The following CFAP20DC variants were observed in gnomAD, a reference collection of about 807,000 sequenced individuals.
The protein encoded by CFAP20DC is CFAP20 domain containing.
Under a neutral mutation model 101.7 loss-of-function variants are expected in CFAP20DC, and 84 were observed. The observed-to-expected ratio is 0.83, with a 90% CI of 0.69 to 0.99. The LOEUF (loss-of-function observed/expected upper bound fraction) is 0.99. Ranked by LOEUF, CFAP20DC falls within the 50% of genes least tolerant of loss-of-function variation. The pLI is 0.00. For missense variants in CFAP20DC, 1,007 were observed against 970.3 expected, an observed-to-expected ratio of 1.04 and a Z score of -0.50; for synonymous variants, 359 against 351.2, an observed-to-expected ratio of 1.02 and a Z score of -0.25.
At chr3:58,990,882 C>A (rs115362221) in intron 4 of CFAP20DC, among the ~76,000 whole-genome samples, 2 of 151,948 alleles carry the variant, frequency 1.3e-5, no homozygotes, top group Non-Finnish European at 2.9e-5. Flanking sequence ...CTGTGCTCTG[C>A]GCACTTATTT....
intron 15 of CFAP20DC, among the ~76,000 whole-genome samples, chr3:58,802,846 T>C (rs2073806862): frequency 6.6e-6 from 1 of 152,166 alleles, no homozygotes; most frequent in South Asian, 2.1e-4. Flanking sequence ...TTGTCTTTAA[T>C]TTTAATCCTG....
intron 13 of CFAP20DC, among the ~76,000 whole-genome samples, chr3:58,838,954 A>G (rs903903868): frequency 3.9e-5 from 6 of 152,204 alleles, no homozygotes; most frequent in African/African-American, 1.4e-4. Flanking sequence ...CATTCAATAA[A>G]TGGTAGTTTA....
chr3:58,916,633 G>T (rs1371439188), intron 5 of CFAP20DC, among the ~76,000 whole-genome samples: 1 of 152,040 alleles, frequency 6.6e-6, no homozygotes, highest in Non-Finnish European at 1.5e-5. Context: ...GAAATAAATG[G>T]CTGGGAATTG....
At chr3:58,774,584 C>T (rs2071150507) in intron 15 of CFAP20DC, among the ~76,000 whole-genome samples, 1 of 152,162 alleles carries the variant, frequency 6.6e-6, no homozygotes, top group Non-Finnish European at 1.5e-5. Context: ...TGTGAGACTT[C>T]TCAGTTTAGT....
chr3:58,809,493 T>C (rs973153885), intron 14 of CFAP20DC, among the ~76,000 whole-genome samples: 5 of 152,042 alleles, frequency 3.3e-5, no homozygotes, highest in Admixed American at 1.3e-4. Context: ...AAAGATGTTC[T>C]TTGAAACCAA....
At position 59,030,515 on chromosome 3, in the gene CFAP20DC, T is replaced by C. The variant is rs2093970653; in HGVS notation, c.278+9042A>G. On this transcript the variant is annotated intron_variant, in intron 4 of 16. Transcript: ENST00000482387. ...TTTAATAATTTTGATCTTTAATCCA[T>C]AAGATATCTATTTTGTTAAAACTAT... 5.3e-5 allele frequency among the ~76,000 whole-genome samples: 8 copies of C among 152,342 alleles called. No homozygotes were observed. The South Asian group carries it at 1.4e-3, about 28-fold the overall frequency.
chr3:58,761,237 T>C (rs2069557587), intron 15 of CFAP20DC, among the ~76,000 whole-genome samples: 1 of 152,198 alleles, frequency 6.6e-6, no homozygotes, highest in Non-Finnish European at 1.5e-5. Flanking sequence ...TATTCAGAGA[T>C]TCAACTTCTT....
intron 14 of CFAP20DC, among the ~76,000 whole-genome samples, chr3:58,809,602 A>G (rs1200398094): frequency 1.3e-5 from 2 of 152,180 alleles, no homozygotes; most frequent in Non-Finnish European, 2.9e-5. Context: ...AGAAAGCAGG[A>G]AAGATCCAAA....
At chr3:59,043,871 T>C (rs961917913) in intron 3 of CFAP20DC, among the ~76,000 whole-genome samples, 1 of 152,150 alleles carries the variant, frequency 6.6e-6, no homozygotes, top group Admixed American at 6.5e-5. Context: ...ATGACCCAAA[T>C]TGTCATAGTT....
At chr3:58,860,820 A>G (rs2079187435) in intron 12 of CFAP20DC, among the ~76,000 whole-genome samples, 1 of 152,222 alleles carries the variant, frequency 6.6e-6, no homozygotes, top group Non-Finnish European at 1.5e-5. Context: ...CTATTTTAAT[A>G]GCTTTCCTAA....
intron 4 of CFAP20DC, among the ~76,000 whole-genome samples, chr3:59,038,411 G>C (rs1046992601): frequency 1.3e-5 from 2 of 152,118 alleles, no homozygotes; most frequent in Non-Finnish European, 2.9e-5. Flanking sequence ...GAGTGATGCA[G>C]AACTACCTAG....
intron 16 of CFAP20DC, among the ~76,000 whole-genome samples, chr3:58,753,075 C>A (rs575647931): frequency 3.3e-5 from 5 of 152,152 alleles, no homozygotes; most frequent in Non-Finnish European, 7.4e-5. Flanking sequence ...TCCTCTACCA[C>A]GCACACCTGA....
At chr3:58,855,748 C>T (rs1039091283) in intron 12 of CFAP20DC, among the ~76,000 whole-genome samples, 1 of 148,686 alleles carries the variant, frequency 6.7e-6, no homozygotes, top group Non-Finnish European at 1.5e-5. Context: ...AAAAACTAAA[C>T]ACCACATATT....
At chr3:58,782,790 C>G (rs1004453244) in intron 15 of CFAP20DC, among the ~76,000 whole-genome samples, 3 of 151,966 alleles carry the variant, frequency 2.0e-5, no homozygotes, top group African/African-American at 7.2e-5. Flanking sequence ...AAAGACAGCC[C>G]ATGATCATGG....
intron 4 of CFAP20DC, among the ~76,000 whole-genome samples, chr3:58,988,116 A>G (rs1036408191): frequency 6.6e-6 from 1 of 152,148 alleles, no homozygotes; most frequent in Non-Finnish European, 1.5e-5. Flanking sequence ...AACAGAGGTT[A>G]TGGTCAAGAA....
intron 16 of CFAP20DC, 101 bp downstream of exon 16, chr3:58,753,668 C>T (rs1311897791): frequency 1.2e-6 from 1 of 819,478 alleles, no homozygotes; most frequent in Non-Finnish European, 2.0e-6. Context: ...ACTAAGTGAT[C>T]AACATTTAAT....
At chr3:58,990,304 T>A (rs1334433668) in intron 4 of CFAP20DC, among the ~76,000 whole-genome samples, 1 of 152,220 alleles carries the variant, frequency 6.6e-6, no homozygotes, top group Admixed American at 6.5e-5. Flanking sequence ...GAGCTGGAAT[T>A]CTTTGTTTAT....
chr3:58,919,719 T>C (rs2107518033), intron 5 of CFAP20DC, among the ~76,000 whole-genome samples: 1 of 152,354 alleles, frequency 6.6e-6, no homozygotes, highest in African/African-American at 2.4e-5. Flanking sequence ...TCTATATACA[T>C]ATACATTGTT....
chr3:58,946,673 G>C (rs1261427988), intron 4 of CFAP20DC, among the ~76,000 whole-genome samples: 1 of 152,092 alleles, frequency 6.6e-6, no homozygotes, highest in African/African-American at 2.4e-5. Flanking sequence ...ACAGAAACCA[G>C]GGGGTTAGCA....
Sources: gnomAD v4.1 joint callset for allele counts (sites outside exome capture counted in the v4.1 genomes callset) on GRCh38, gnomAD v4.1.1 for gene constraint, MANE v1.5 for transcripts, NCBI Gene and HGNC (gene_info 2026-07-23, HGNC 2026-07-21) for gene names.